The following CAST variants were observed in gnomAD, a reference collection of about 807,000 sequenced individuals.
CAST encodes the protein calpastatin, also known as MIR583 host.
In CAST, 76 loss-of-function variants were observed where a neutral mutation model predicts 119.6. The ratio of observed to expected loss-of-function variants is 0.64; its 90% confidence interval spans 0.53 to 0.77. The LOEUF (loss-of-function observed/expected upper bound fraction) is 0.77. Among genes scored for constraint, CAST ranks in the 30% least tolerant of loss-of-function variants. The probability of loss-of-function intolerance (pLI) is 0.00; values close to 1 mark genes in which losing one functional copy is unlikely to be tolerated. For missense variants in CAST, 953 were observed against 946.5 expected (o/e 1.01, Z -0.09); for synonymous variants, 319 against 331.6 (o/e 0.96, Z 0.41).
upstream of CAST, among the ~76,000 whole-genome samples, chr5:96,659,819 C>T (rs1294453042): frequency 1.3e-5 from 2 of 152,138 alleles, no homozygotes; most frequent in African/African-American, 2.4e-5. Flanking sequence ...CATGAGCCAC[C>T]GCACCATCTA....
Position 96,750,914 on chromosome 5 carries a change from C to G in CAST, c.1524+232C>G, listed in dbSNP as rs10515245. Among the ~76,000 whole-genome samples, 9,120 of 152,240 alleles carry G rather than the reference C, an allele frequency of 0.06. 379 individuals are homozygous for G. The highest frequency in any genetic ancestry group is 0.13 in the South Asian group (645 of 4,822). ...CCCAACTGTATTTTTCTCTACTCTT[C>G]TGAAATTCTAGTTCCTCAGCTATTG... is the stretch of plus-strand genomic sequence containing the variant. On this transcript the variant is annotated intron_variant, in intron 20 of 31. Transcript: ENST00000675179.
At chr5:96,085,005 A>G in the CAST span, among the ~76,000 whole-genome samples, 1 of 152,202 alleles carries the variant, frequency 6.6e-6, no homozygotes, top group South Asian at 2.1e-4. Flanking sequence ...GAATTCTTTG[A>G]CTTTTAATCT....
the CAST span, among the ~76,000 whole-genome samples, chr5:96,064,151 T>C: frequency 2.0e-5 from 3 of 152,158 alleles, no homozygotes; most frequent in Admixed American, 6.6e-5. Flanking sequence ...TTATTGGCCA[T>C]GAGAACAAAG....
intron 3 of CAST, chr5:96,714,985 T>A (rs1439275818): frequency 6.6e-6 from 1 of 151,994 alleles, no homozygotes; most frequent in African/African-American, 2.4e-5. Context: ...AGTATCCTTC[T>A]AGCTTGGATT....
intron 1 of CAST, among the ~76,000 whole-genome samples, chr5:96,550,621 C>G (rs2150182067): frequency 6.6e-6 from 1 of 152,232 alleles, no homozygotes; most frequent in East Asian, 1.9e-4. Context: ...CTTCTCTGAG[C>G]TAAAGGAGCA....
the CAST span, among the ~76,000 whole-genome samples, chr5:96,457,963 G>C: frequency 2.0e-5 from 3 of 152,122 alleles, no homozygotes; most frequent in African/African-American, 7.2e-5. Flanking sequence ...ATTAATGAAG[G>C]ATGACGTATA....
intron 1 of CAST, among the ~76,000 whole-genome samples, chr5:96,653,097 C>A (rs1054933544): frequency 5.9e-5 from 9 of 152,302 alleles, no homozygotes; most frequent in Admixed American, 3.3e-4. Context: ...TTAGTGATTG[C>A]CTTCATATTT....
chr5:96,765,996 A>G, intron 26 of CAST, 57 bp from the exon 27 acceptor site: 1 of 975,098 alleles, frequency 1.0e-6, no homozygotes, highest in Non-Finnish European at 1.6e-6. Context: ...TTGACAATGT[A>G]TTTTCTAAGT....
At chr5:96,248,771 A>G in the CAST span, among the ~76,000 whole-genome samples, 1 of 152,248 alleles carries the variant, frequency 6.6e-6, no homozygotes, top group African/African-American at 2.4e-5. Context: ...TGTGTTAGCA[A>G]AGTTCTAAGA....
the CAST span, chr5:96,408,366 G>A: frequency 7.2e-7 from 1 of 1,395,002 alleles, no homozygotes; most frequent in Non-Finnish European, 1.0e-6. Flanking sequence ...GAGAACACGT[G>A]AGGAGTGTGG....
intron 1 of CAST, among the ~76,000 whole-genome samples, chr5:96,557,541 A>G (rs1175004463): frequency 6.6e-6 from 1 of 152,136 alleles, no homozygotes; most frequent in African/African-American, 2.4e-5. Context: ...AAACGAAAAA[A>G]AGGCAGGGGT....
At chr5:96,614,903 T>C (rs945314554) in intron 1 of CAST, among the ~76,000 whole-genome samples, 2 of 139,850 alleles carry the variant, frequency 1.4e-5, no homozygotes, top group Admixed American at 7.1e-5. Context: ...AAAGCAATAA[T>C]TTGGGCACTG....
the CAST span, among the ~76,000 whole-genome samples, chr5:96,025,620 T>C: frequency 1.3e-5 from 2 of 152,164 alleles, no homozygotes; most frequent in Non-Finnish European, 2.9e-5. Context: ...TTGCTTTCCA[T>C]GGAGGGAGGC....
At chr5:96,486,547 T>A in the CAST span, among the ~76,000 whole-genome samples, 1 of 151,992 alleles carries the variant, frequency 6.6e-6, no homozygotes, top group Admixed American at 6.6e-5. Flanking sequence ...AACACTAAGG[T>A]TTCATATAGT....
At chr5:96,171,929 C>G in the CAST span, among the ~76,000 whole-genome samples, 1 of 152,200 alleles carries the variant, frequency 6.6e-6, no homozygotes, top group Non-Finnish European at 1.5e-5. Flanking sequence ...CCCACCCCCC[C>G]ACGCCCCTGA....
chr5:96,229,084 T>C, the CAST span, among the ~76,000 whole-genome samples: 11 of 152,034 alleles, frequency 7.2e-5, no homozygotes, highest in African/African-American at 2.7e-4. Context: ...ATTACCTGGC[T>C]TTGAGAGAGG....
the CAST span, among the ~76,000 whole-genome samples, chr5:96,491,021 T>C: frequency 6.6e-6 from 1 of 151,928 alleles, no homozygotes; most frequent in Non-Finnish European, 1.5e-5. Context: ...ATAACTCTTA[T>C]AATCAATAAG....
chr5:95,971,176 A>G, the CAST span, among the ~76,000 whole-genome samples: 1 of 152,156 alleles, frequency 6.6e-6, no homozygotes, highest in Non-Finnish European at 1.5e-5. Context: ...ATAGATTCTG[A>G]CTTGGTATAT....
chr5:96,401,915 A>G, the CAST span, among the ~76,000 whole-genome samples: 3 of 152,184 alleles, frequency 2.0e-5, no homozygotes, highest in African/African-American at 4.8e-5. Context: ...CCCCAAATAT[A>G]ATTTTAAAAC....
Sources: allele counts gnomAD v4.1 joint callset (sites outside exome capture counted in the v4.1 genomes callset), GRCh38; gene constraint gnomAD v4.1.1; transcripts MANE v1.5; gene names NCBI Gene and HGNC (gene_info 2026-07-23, HGNC 2026-07-21).